The following IL3RA variants were observed in gnomAD, a reference collection of about 807,000 sequenced individuals.
The protein encoded by IL3RA is interleukin 3 receptor subunit alpha, also known as interleukin-3 receptor subunit alpha.
A neutral mutation model predicts 52.3 loss-of-function variants in IL3RA; 73 were observed. The observed-to-expected ratio is 1.40, with a 90% CI of 1.16 to 1.70. IL3RA has a LOEUF of 1.70. Among genes scored for constraint, IL3RA ranks in the 40% most tolerant of loss-of-function variants. The pLI, the probability that IL3RA is intolerant of heterozygous loss-of-function variation, is 0.00. For synonymous variants in IL3RA, 260 were observed against 194.0 expected (o/e 1.34, Z -2.83); for missense variants, 664 against 504.4 (o/e 1.32, Z -3.03).
rs762862211 is a variant in IL3RA, at chrX:1,348,405, C to A, written c.184-26C>A. 7 of 1,514,076 alleles carry A rather than the reference C, an allele frequency of 4.6e-6. No individual in the cohort carries two copies. The African/African-American group carries it at 5.5e-5, about 12-fold the overall frequency. 93.8% of individuals were successfully genotyped at this position (1,514,076 alleles called of 1,614,324 possible). On this transcript the variant is annotated intron_variant, in intron 3 of 11. Coordinates refer to ENST00000331035, the MANE Select transcript of IL3RA (RefSeq NM_002183.4). ...CAAATTAAGCATGGTCTGTCAGCAG[C>A]CATCATAGTCCTATGTCTCTCTTAG... is the stretch of plus-strand genomic sequence containing the variant.
Position 1,382,423 on chromosome X carries a change from G to A in IL3RA, c.1095G>A (p.Glu365=), listed in dbSNP as rs762328457. Residue 365 remains glutamate (E), a synonymous_variant, in exon 12 of 12, where the codon GAG becomes GAA. Coordinates refer to ENST00000331035, the MANE Select transcript of IL3RA (RefSeq NM_002183.4). ...GGGAGGCGGGCAAAGCCGGCCTGGA[G>A]GAGTGTCTGGTGACTGAAGTACAGG... ...VVWEAGKAGL[E]ECLVTEVQVV... 6 of 1,613,718 alleles carry A rather than the reference G, an allele frequency of 3.7e-6. No homozygotes were observed. The highest frequency in any genetic ancestry group is 3.4e-6 in the Non-Finnish European group (4 of 1,179,768).
chrX:1,348,403 AGCC>A (rs758310213), intron 3 of IL3RA, 25 bp from the exon 4 acceptor site: 1 of 1,511,910 alleles, frequency 6.6e-7, no homozygotes, highest in East Asian at 2.3e-5. Context: ...GTCTGTCAGC[AGCC>A]ATCATAGTCC....
chrX:1,381,442 G>A (rs1220007133), intron 11 of IL3RA, among the ~76,000 whole-genome samples: 2 of 152,106 alleles, frequency 1.3e-5, no homozygotes, highest in Non-Finnish European at 2.9e-5. Flanking sequence ...GGGCGGCTGG[G>A]AAAAGCTGCA....
intron 9 of IL3RA, among the ~76,000 whole-genome samples, chrX:1,368,168 A>G (rs374727962): frequency 3.3e-5 from 5 of 152,152 alleles, no homozygotes; most frequent in African/African-American, 1.2e-4. Flanking sequence ...CTGAGGCAGG[A>G]GAATGGCGTG....
chrX:1,357,344 C>CTGTT (rs112765040), intron 7 of IL3RA, among the ~76,000 whole-genome samples: 480 of 151,562 alleles, frequency 3.2e-3, no homozygotes, highest in African/African-American at 5.9e-3. Context: ...GTCACCCAAG[C>CTGTT]TGTTTGTTTG....
intron 8 of IL3RA, among the ~76,000 whole-genome samples, chrX:1,361,251 G>T (rs1455269619): frequency 6.7e-6 from 1 of 148,222 alleles, no homozygotes; most frequent in East Asian, 2.0e-4. Flanking sequence ...CTCTGTGATT[G>T]TCTCTTTCTT....
chrX:1,368,612 G>A (rs1256675452), intron 9 of IL3RA, among the ~76,000 whole-genome samples: 5 of 152,156 alleles, frequency 3.3e-5, no homozygotes, highest in Non-Finnish European at 7.3e-5. Flanking sequence ...AAGGTAAAAT[G>A]AGGTCATTAG....
intron 6 of IL3RA, among the ~76,000 whole-genome samples, chrX:1,355,653 G>T (rs1360743617): frequency 6.6e-6 from 1 of 151,606 alleles, no homozygotes; most frequent in South Asian, 2.1e-4. Flanking sequence ...TCCCCTGGGG[G>T]GCGGAGGTGG....
At chrX:1,354,050 G>A (rs1406044871) in intron 6 of IL3RA, among the ~76,000 whole-genome samples, 5 of 142,252 alleles carry the variant, frequency 3.5e-5, no homozygotes, top group Non-Finnish European at 6.0e-5. Context: ...CATGGGCCAT[G>A]GGTCCCACCA....
chrX:1,348,909 C>G (rs1413666439), intron 4 of IL3RA, among the ~76,000 whole-genome samples: 1 of 144,536 alleles, frequency 6.9e-6, no homozygotes, highest in South Asian at 2.3e-4. Context: ...CTGCCTCACT[C>G]CCTTCCTTCC....
At chrX:1,377,572 G>A (rs1222521063) in intron 9 of IL3RA, among the ~76,000 whole-genome samples, 1 of 148,630 alleles carries the variant, frequency 6.7e-6, no homozygotes, top group Non-Finnish European at 1.5e-5. Context: ...CCACCAAGCT[G>A]TGGGACTTTT....
chrX:1,365,270 G>C lies in IL3RA; in HGVS notation c.874+18G>C, dbSNP rs372247589. 6 of 1,561,760 alleles carry C rather than the reference G, an allele frequency of 3.8e-6. No homozygotes were observed. Among genetic ancestry groups the C allele is most frequent in the South Asian group, 3.3e-5 (3 of 90,068 alleles). Reference sequence around the variant, plus strand: ...GCGCTTCGGTGAGTGGGCTGTGCGGGGTGCGCGGGGTGAGCGGGGTGAGCG... The same window carrying C: ...GCGCTTCGGTGAGTGGGCTGTGCGGCGTGCGCGGGGTGAGCGGGGTGAGCG... On this transcript the variant is annotated intron_variant, in intron 9 of 11. Transcript: ENST00000331035.
At chrX:1,341,933 C>A in intron 2 of IL3RA, 104 bp downstream of exon 2, 1 of 1,251,910 alleles carries the variant, frequency 8.0e-7, no homozygotes, top group South Asian at 1.2e-5. Context: ...TCATGCTGAG[C>A]TCATGGCAGA....
chrX:1,340,965 A>C (rs750407746), intron 1 of IL3RA, among the ~76,000 whole-genome samples: 2 of 152,200 alleles, frequency 1.3e-5, no homozygotes, highest in Admixed American at 1.3e-4. Context: ...AAAAATACAA[A>C]AATTAGCCGG....
chrX:1,352,054 C>G (rs763490889), intron 4 of IL3RA, 46 bp from the exon 5 acceptor site: 1 of 1,601,924 alleles, frequency 6.2e-7, no homozygotes. Flanking sequence ...CGTGAGCCAC[C>G]GCGCCCGGTC....
At chrX:1,381,785 C>T (rs2089188924) in intron 11 of IL3RA, among the ~76,000 whole-genome samples, 1 of 149,676 alleles carries the variant, frequency 6.7e-6, no homozygotes, top group Admixed American at 6.7e-5. Flanking sequence ...CTTGTGATCC[C>T]CCTGCCTCGG....
intron 1 of IL3RA, among the ~76,000 whole-genome samples, chrX:1,339,600 T>C (rs1220464518): frequency 1.3e-5 from 2 of 152,088 alleles, no homozygotes; most frequent in Non-Finnish European, 2.9e-5. Flanking sequence ...GAGACCAGCC[T>C]GACCAACATG....
chrX:1,377,163 C>T (rs1368165915), intron 9 of IL3RA, among the ~76,000 whole-genome samples: 5 of 152,232 alleles, frequency 3.3e-5, no homozygotes, highest in Non-Finnish European at 7.3e-5. Flanking sequence ...CAGCCCTGCC[C>T]ATGCCCATCT....
chrX:1,360,356 ATCTCTCTC>A (rs771602134), intron 8 of IL3RA, among the ~76,000 whole-genome samples: 1 of 109,990 alleles, frequency 9.1e-6, no homozygotes, highest in African/African-American at 3.3e-5. Context: ...CCCTCTCTTT[ATCTCTCTC>A]TCTCTCTCTG....
Sources: allele counts gnomAD v4.1 joint callset (sites outside exome capture counted in the v4.1 genomes callset), GRCh38; gene constraint gnomAD v4.1.1; transcripts MANE v1.5; gene names NCBI Gene and HGNC (gene_info 2026-07-23, HGNC 2026-07-21).